The following BMERB1 variants were observed in gnomAD, a reference collection of about 807,000 sequenced individuals.
BMERB1 encodes bMERB domain containing 1, also known as bMERB domain-containing protein 1.
BMERB1 carries 12 observed loss-of-function variants against 23.6 expected under a neutral mutation model. That is an observed-to-expected ratio of 0.51 (90% CI 0.33 to 0.82). BMERB1 has a LOEUF of 0.82. BMERB1 is among the 40% of genes least tolerant of loss of function. The probability of loss-of-function intolerance (pLI) is 0.03; values close to 1 mark genes in which losing one functional copy is unlikely to be tolerated. For synonymous variants in BMERB1, 122 were observed against 96.6 expected, an observed-to-expected ratio of 1.26 and a Z score of -1.54; for missense variants, 247 against 255.4, an observed-to-expected ratio of 0.97 and a Z score of 0.22.
At chr16:15,555,107 C>G in intron 2 of BMERB1, among the ~76,000 whole-genome samples, 1 of 152,110 alleles carries the variant, frequency 6.6e-6, no homozygotes, top group East Asian at 1.9e-4. Context: ...AAAAGTCAAT[C>G]CTTGCCTCCC....
intron 2 of BMERB1, among the ~76,000 whole-genome samples, chr16:15,561,744 T>A (rs1405560788): frequency 6.6e-6 from 1 of 152,100 alleles, no homozygotes; most frequent in Non-Finnish European, 1.5e-5. Context: ...AATTTAAAAA[T>A]TAGCTGAGTG....
Position 15,517,733 on chromosome 16 carries a change from C to T in BMERB1, c.230+2305C>T, listed in dbSNP as rs184180155. On this transcript the variant is annotated intron_variant, in intron 2 of 5. Coordinates refer to ENST00000300006, the MANE Select transcript of BMERB1 (RefSeq NM_033201.3). ...TGCACTTACTGACCTTTACTGTGTG[C>T]GCGTGTGTGTGGATATTTGTGTGGA... 1.3e-4 allele frequency among the ~76,000 whole-genome samples: 20 copies of T among 148,800 alleles called. 1 individual carries two copies. The highest frequency in any genetic ancestry group is 9.9e-4 in the Admixed American group (15 of 15,148).
At chr16:15,578,662 A>G (rs890100595) in intron 3 of BMERB1, among the ~76,000 whole-genome samples, 3 of 152,120 alleles carry the variant, frequency 2.0e-5, no homozygotes, top group African/African-American at 7.2e-5. Flanking sequence ...GTTGGCAGAT[A>G]CAGTGCCTGG....
intron 1 of BMERB1, among the ~76,000 whole-genome samples, chr16:15,481,476 G>A (rs1165201463): frequency 2.0e-5 from 3 of 151,902 alleles, no homozygotes; most frequent in East Asian, 1.9e-4. Flanking sequence ...GCAGTGAGCC[G>A]AGATTGTGCC....
At chr16:15,496,145 C>T (rs745742124) in intron 1 of BMERB1, among the ~76,000 whole-genome samples, 26 of 145,350 alleles carry the variant, frequency 1.8e-4, no homozygotes, top group Middle Eastern at 3.5e-3. Flanking sequence ...ATAATGGTGA[C>T]GATGACAGTG....
intron 2 of BMERB1, among the ~76,000 whole-genome samples, chr16:15,520,009 C>T (rs974579119): frequency 6.6e-6 from 1 of 152,050 alleles, no homozygotes; most frequent in Non-Finnish European, 1.5e-5. Flanking sequence ...CTGTTTCCCG[C>T]GGGCACTGAT....
intron 1 of BMERB1, among the ~76,000 whole-genome samples, chr16:15,443,923 A>T (rs1020661019): frequency 1.4e-4 from 22 of 151,938 alleles, no homozygotes; most frequent in African/African-American, 5.1e-4. Context: ...AAAAACAAAA[A>T]AAAAAGTGTG....
At chr16:15,505,534 G>T (rs1291724667) in intron 1 of BMERB1, among the ~76,000 whole-genome samples, 2 of 152,162 alleles carry the variant, frequency 1.3e-5, no homozygotes, top group Non-Finnish European at 2.9e-5. Flanking sequence ...ATTATGCCAA[G>T]TAAGAGTCAT....
chr16:15,552,765 G>A lies in BMERB1; in HGVS notation c.231-15218G>A, dbSNP rs540042057. On this transcript the variant is annotated intron_variant, in intron 2 of 5. Transcript: ENST00000300006. ...GAAAATAGATCAGGAGGGCTGACAC[G>A]TAGTAGGCGCTCAAGAACTGTTTTC... Among the ~76,000 whole-genome samples, 25 of 152,380 alleles carry A rather than the reference G, an allele frequency of 1.6e-4. No homozygotes were observed. The East Asian group carries it at 4.4e-3, about 27-fold the overall frequency.
At chr16:15,536,894 C>G (rs1291235440) in intron 2 of BMERB1, 1 of 152,194 alleles carries the variant, frequency 6.6e-6, no homozygotes, top group Non-Finnish European at 1.5e-5. Context: ...GACTCATCTT[C>G]TTAATCCTTT....
rs2031184384 is a variant in BMERB1, at chr16:15,587,634, A to ACTC, written c.*807_*809dup. 4 of 376,182 alleles carry ACTC rather than the reference A, an allele frequency of 1.1e-5. No individual in the cohort carries two copies. The highest frequency in any genetic ancestry group is 5.4e-5 in the South Asian group (3 of 55,588). 23.3% of individuals were successfully genotyped at this position (376,182 alleles called of 1,614,324 possible). Reference sequence around the variant, plus strand: ...ACCCAGAGTAGATGCTGACCTGGGCACTCCACCATTCCGGGGCCACCACAG... The same window carrying ACTC: ...ACCCAGAGTAGATGCTGACCTGGGCACTCCTCCACCATTCCGGGGCCACCACAG... On this transcript the variant is annotated 3_prime_UTR_variant, in exon 6 of 6. Coordinates refer to ENST00000300006, the MANE Select transcript of BMERB1 (RefSeq NM_033201.3).
At chr16:15,506,486 A>C (rs1431800949) in intron 1 of BMERB1, among the ~76,000 whole-genome samples, 1 of 152,006 alleles carries the variant, frequency 6.6e-6, no homozygotes, top group Non-Finnish European at 1.5e-5. Context: ...CCTAATCTTA[A>C]AATTTTAGAA....
intron 2 of BMERB1, among the ~76,000 whole-genome samples, chr16:15,566,319 G>T (rs984340460): frequency 1.3e-5 from 2 of 152,156 alleles, no homozygotes; most frequent in African/African-American, 4.8e-5. Context: ...TGGCCACACT[G>T]TTGGTAATGT....
chr16:15,559,770 A>G (rs2030367064), intron 2 of BMERB1, among the ~76,000 whole-genome samples: 1 of 152,178 alleles, frequency 6.6e-6, no homozygotes, highest in African/African-American at 2.4e-5. Context: ...TCAAAGGACC[A>G]TGAAGCTTTT....
intron 2 of BMERB1, among the ~76,000 whole-genome samples, chr16:15,525,833 A>G (rs1232257174): frequency 9.9e-5 from 15 of 152,172 alleles, no homozygotes; most frequent in Admixed American, 9.8e-4. Context: ...AGAAATTTTC[A>G]TTTGGATAGT....
At chr16:15,524,324 A>G (rs747577149) in intron 2 of BMERB1, among the ~76,000 whole-genome samples, 1 of 152,134 alleles carries the variant, frequency 6.6e-6, no homozygotes, top group African/African-American at 2.4e-5. Flanking sequence ...GGGGAGGGAA[A>G]GGAAGGAAGA....
In BMERB1 at chr16:15,527,406, A is replaced by G. The variant is rs146601904; in HGVS notation, c.230+11978A>G. The stretch of plus-strand genomic sequence containing the variant: ...GATCGCCTGAGCTCAGGAGTTCGAG[A>G]CCACCCTGGGCAACATGGTGAAACT... On this transcript the variant is annotated intron_variant, in intron 2 of 5. Transcript: ENST00000300006. 1.7e-3 allele frequency among the ~76,000 whole-genome samples: 255 copies of G among 152,272 alleles called. 1 individual carries two copies. The highest frequency in any genetic ancestry group is 3.4e-3 in the Middle Eastern group (1 of 294).
intron 2 of BMERB1, among the ~76,000 whole-genome samples, chr16:15,564,726 A>G (rs2030517540): frequency 6.6e-6 from 1 of 152,242 alleles, no homozygotes; most frequent in Non-Finnish European, 1.5e-5. Flanking sequence ...CTGTTGCTAC[A>G]TTGACTAAAA....
At chr16:15,515,028 G>T (rs2051729053) in intron 1 of BMERB1, among the ~76,000 whole-genome samples, 1 of 152,174 alleles carries the variant, frequency 6.6e-6, no homozygotes, top group African/African-American at 2.4e-5. Context: ...CTTGCAGTGA[G>T]CCGAGATCGC....
Sources: gnomAD v4.1 joint callset for allele counts (sites outside exome capture counted in the v4.1 genomes callset) on GRCh38, gnomAD v4.1.1 for gene constraint, MANE v1.5 for transcripts, NCBI Gene and HGNC (gene_info 2026-07-23, HGNC 2026-07-21) for gene names.